The following PCDH7 variants were observed in gnomAD, a reference collection of about 807,000 sequenced individuals.
PCDH7 encodes the protein protocadherin-7.
In PCDH7, 17 loss-of-function variants were observed where a neutral mutation model predicts 58.9. The observed-to-expected ratio is 0.29, with a 90% CI of 0.20 to 0.43. The LOEUF is 0.43. Among genes scored for constraint, PCDH7 ranks in the 20% least tolerant of loss-of-function variants. The pLI, the probability that PCDH7 is intolerant of heterozygous loss-of-function variation, is 1.00. For missense variants in PCDH7, 1,274 were observed against 1,441.0 expected, an observed-to-expected ratio of 0.88 and a Z score of 1.88; for synonymous variants, 664 against 616.4, an observed-to-expected ratio of 1.08 and a Z score of -1.14.
intron 3 of PCDH7, among the ~76,000 whole-genome samples, chr4:31,031,997 C>T (rs559554256): frequency 3.9e-5 from 6 of 152,208 alleles, no homozygotes; most frequent in Non-Finnish European, 5.9e-5. Context: ...GCTCAATCTC[C>T]GAAAGCAGCA....
chr4:31,117,650 A>G (rs1433010577), intron 3 of PCDH7, among the ~76,000 whole-genome samples: 1 of 152,186 alleles, frequency 6.6e-6, no homozygotes, highest in Non-Finnish European at 1.5e-5. Context: ...TCCAGTTTGA[A>G]TAAGACTACA....
rs577476402 is a variant in PCDH7, at chr4:31,100,336, T to C, written c.*8-42137T>C. Among the ~76,000 whole-genome samples, 35 of 152,240 alleles carry C rather than the reference T, an allele frequency of 2.3e-4. 2 individuals are homozygous for C. Among genetic ancestry groups the C allele is most frequent in the African/African-American group, 7.9e-4 (33 of 41,566 alleles). ...TATTTAAGTCAGCATCAAACAAAAA[T>C]GTAAAAGAATGACCACATATTTCTG... On this transcript the variant is annotated intron_variant, in intron 3 of 3. Coordinates refer to the PCDH7 transcript ENST00000509759.
chr4:31,015,379 C>G (rs1421256787), intron 3 of PCDH7, among the ~76,000 whole-genome samples: 1 of 152,152 alleles, frequency 6.6e-6, no homozygotes, highest in East Asian at 1.9e-4. Flanking sequence ...TGATGATTCC[C>G]AGTGTGTTTT....
chr4:30,793,605 A>G (rs1724412251), intron 1 of PCDH7, among the ~76,000 whole-genome samples: 1 of 152,188 alleles, frequency 6.6e-6, no homozygotes, highest in Non-Finnish European at 1.5e-5. Context: ...AGAATTAAAT[A>G]TAATTCTTGA....
chr4:30,818,010 A>T (rs1727910889), intron 1 of PCDH7, among the ~76,000 whole-genome samples: 1 of 152,146 alleles, frequency 6.6e-6, no homozygotes, highest in South Asian at 2.1e-4. Context: ...AGCTTCAGCC[A>T]CAGTGGCCTC....
intron 2 of PCDH7, among the ~76,000 whole-genome samples, chr4:30,947,691 C>G (rs1746872613): frequency 6.6e-6 from 1 of 152,100 alleles, no homozygotes; most frequent in South Asian, 2.1e-4. Context: ...TTTATCATTT[C>G]TTTGTGTTGG....
intron 1 of PCDH7, among the ~76,000 whole-genome samples, chr4:30,863,566 C>T (rs975880539): frequency 2.0e-5 from 3 of 152,038 alleles, no homozygotes; most frequent in Non-Finnish European, 4.4e-5. Context: ...TTTTCCAGGG[C>T]AAGAATTAGC....
In PCDH7 at chr4:30,721,360, G is replaced by T; in HGVS notation, c.-63G>T. 1 of 1,407,920 alleles carries T rather than the reference G, an allele frequency of 7.1e-7. No homozygotes were observed. The highest frequency in any genetic ancestry group is 9.3e-7 in the Non-Finnish European group (1 of 1,076,102). The allele number at this position is 1,407,920 out of a possible 1,614,324, so 87.2% of individuals were successfully genotyped here. On this transcript the variant is annotated 5_prime_UTR_variant, in exon 1 of 2. Coordinates refer to ENST00000361762, the Ensembl canonical transcript of PCDH7. The surrounding 1 kb of genome is among the most constrained non-coding windows in gnomAD (Gnocchi z 6.7). ...CGGGGGAGGGCAGGCGGCCGGCCCC[G>T]GAGGAGGGGGGCGCCGAGGGGGCTG...
chr4:30,763,589 G>C (rs533787954), intron 1 of PCDH7, among the ~76,000 whole-genome samples: 1 of 152,334 alleles, frequency 6.6e-6, no homozygotes, highest in African/African-American at 2.4e-5. Context: ...GGGTATAGCT[G>C]TCTAGTCAGA....
At chr4:30,814,930 G>T (rs1023070710) in intron 1 of PCDH7, among the ~76,000 whole-genome samples, 2 of 151,902 alleles carry the variant, frequency 1.3e-5, no homozygotes, top group Non-Finnish European at 2.9e-5. Context: ...TGTTTGACGT[G>T]ATGGGAATGT....
At position 30,722,026 on chromosome 4, in the gene PCDH7, G is replaced by C. The variant is rs1177378448; in HGVS notation, c.604G>C (p.Asp202His). 11 of 1,253,976 alleles carry C rather than the reference G, an allele frequency of 8.8e-6. No homozygotes were observed. Among genetic ancestry groups the C allele is most frequent in the Non-Finnish European group, 1.1e-5 (11 of 1,002,594 alleles). 77.7% of individuals were successfully genotyped at this position (1,253,976 alleles called of 1,614,324 possible). Residue 202 changes from aspartate to histidine, a missense_variant, in exon 1 of 2, where the codon GAC (aspartate) becomes CAC (histidine). Physicochemically the swap from Asp to His is moderately conservative, Grantham distance 81. Coordinates refer to ENST00000361762, the Ensembl canonical transcript of PCDH7. The surrounding 1 kb of genome is among the most constrained non-coding windows in gnomAD (Gnocchi z 7.6). ...CGAGAGCCGGCGCGCCGGGGCGGCC[G>C]ACAGCGCCCCCTACCCCGGGGGCGG...
At chr4:30,782,813 G>T (rs757709077) in intron 1 of PCDH7, among the ~76,000 whole-genome samples, 2 of 152,182 alleles carry the variant, frequency 1.3e-5, no homozygotes, top group East Asian at 3.9e-4. Context: ...GTGTGGCACT[G>T]TGTCTTCAAA....
intron 3 of PCDH7, among the ~76,000 whole-genome samples, chr4:31,026,851 A>G (rs1040537130): frequency 2.0e-4 from 31 of 152,294 alleles, no homozygotes; most frequent in African/African-American, 7.2e-4. Context: ...CATTAAAAGA[A>G]ATGCATTCAG....
intron 3 of PCDH7, among the ~76,000 whole-genome samples, chr4:31,093,418 G>A (rs926649793): frequency 6.6e-6 from 1 of 152,024 alleles, no homozygotes; most frequent in Non-Finnish European, 1.5e-5. Flanking sequence ...ATGACTTACA[G>A]CCTTCTTTCT....
intron 3 of PCDH7, among the ~76,000 whole-genome samples, chr4:30,984,016 C>G (rs1320442531): frequency 1.3e-5 from 2 of 152,002 alleles, no homozygotes; most frequent in African/African-American, 2.4e-5. Flanking sequence ...CATTAGTATC[C>G]CTAGTACTAA....
At chr4:31,113,333 T>C (rs1259733523) in intron 3 of PCDH7, among the ~76,000 whole-genome samples, 1 of 152,218 alleles carries the variant, frequency 6.6e-6, no homozygotes, top group African/African-American at 2.4e-5. Flanking sequence ...TTGACTTTGC[T>C]TATCAAAAGA....
At chr4:31,026,284 C>A (rs1754417032) in intron 3 of PCDH7, among the ~76,000 whole-genome samples, 1 of 152,126 alleles carries the variant, frequency 6.6e-6, no homozygotes, top group Non-Finnish European at 1.5e-5. Context: ...CCTCTATTTT[C>A]TGTGCCACAA....
intron 1 of PCDH7, among the ~76,000 whole-genome samples, chr4:30,798,805 C>G (rs1011149468): frequency 6.6e-6 from 1 of 152,122 alleles, no homozygotes; most frequent in African/African-American, 2.4e-5. Flanking sequence ...TCTGAACTAA[C>G]TGTTCAAGTT....
chr4:30,884,350 G>A (rs61794485), intron 1 of PCDH7: 2 of 151,696 alleles, frequency 1.3e-5, no homozygotes, highest in African/African-American at 4.8e-5. Flanking sequence ...GCGTGTTGAC[G>A]GTGAAGCTGG....
Sources: allele counts gnomAD v4.1 joint callset (sites outside exome capture counted in the v4.1 genomes callset), GRCh38; gene constraint gnomAD v4.1.1; non-coding constraint Gnocchi (gnomAD v3.1); transcripts MANE v1.5; gene names NCBI Gene and HGNC (gene_info 2026-07-23, HGNC 2026-07-21).